SLC44A5: variants seen among roughly 807,000 people sequenced by gnomAD.
SLC44A5 encodes the protein solute carrier family 44 member 5.
Under a neutral mutation model 101.8 loss-of-function variants are expected in SLC44A5, and 57 were observed. The ratio of observed to expected loss-of-function variants is 0.56; its 90% CI spans 0.45 to 0.70. The LOEUF (loss-of-function observed/expected upper bound fraction) is 0.70. Among genes scored for constraint, SLC44A5 ranks in the 30% least tolerant of loss-of-function variants. The pLI is 0.00. For synonymous variants in SLC44A5, 281 were observed against 290.9 expected, an observed-to-expected ratio of 0.97 and a Z score of 0.35; for missense variants, 737 against 853.1, an observed-to-expected ratio of 0.86 and a Z score of 1.70.
chr1:75,392,766 C>G (rs1302537062), intron 3 of SLC44A5, among the ~76,000 whole-genome samples: 1 of 152,090 alleles, frequency 6.6e-6, no homozygotes, highest in Admixed American at 6.6e-5. Context: ...TGCCCATCAA[C>G]AGTGGAATGG....
chr1:75,242,020 C>T lies in SLC44A5; in HGVS notation c.513G>A (p.Ala171=), dbSNP rs762534368. ...QLLLDDDCPT[A]IFPSKPFLQR... ...ACTTACAAGGTTTGCTGGGAAAAATCGCTGTTGGACAATCATCATCCAGTA... is the reference window on the plus strand; with the variant it reads ...ACTTACAAGGTTTGCTGGGAAAAATTGCTGTTGGACAATCATCATCCAGTA... Residue 171 remains alanine (A), a synonymous_variant, in exon 9 of 24, where the codon GCG becomes GCA. Transcript: ENST00000370859. 3.5e-5 allele frequency: 57 copies of T among 1,612,040 alleles called. No homozygotes were observed. Among genetic ancestry groups the T allele is most frequent in the Admixed American group, 1.7e-5 (1 of 59,816 alleles).
At chr1:75,421,184 T>C (rs1232021492) in intron 2 of SLC44A5, among the ~76,000 whole-genome samples, 1 of 152,080 alleles carries the variant, frequency 6.6e-6, no homozygotes, top group Non-Finnish European at 1.5e-5. Flanking sequence ...TTATACATAC[T>C]GTTAGTATGT....
chr1:75,264,032 C>T (rs542783550), intron 6 of SLC44A5, among the ~76,000 whole-genome samples: 5 of 149,588 alleles, frequency 3.3e-5, no homozygotes, highest in African/African-American at 7.4e-5. Flanking sequence ...CTAGTGTAGA[C>T]GACAGGTTGA....
chr1:75,394,627 A>T (rs1421273801), intron 3 of SLC44A5, among the ~76,000 whole-genome samples: 10 of 152,166 alleles, frequency 6.6e-5, no homozygotes, highest in African/African-American at 2.2e-4. Context: ...GGTGGGCCTC[A>T]GCTTCTTTGG....
chr1:75,477,401 C>T (rs773437864), intron 2 of SLC44A5, among the ~76,000 whole-genome samples: 25 of 152,186 alleles, frequency 1.6e-4, no homozygotes, highest in Non-Finnish European at 2.6e-4. Context: ...CAAAGCTGTA[C>T]GGAGAATGAC....
At chr1:75,348,777 T>G (rs1411619295) in intron 3 of SLC44A5, among the ~76,000 whole-genome samples, 2 of 152,208 alleles carry the variant, frequency 1.3e-5, no homozygotes, top group Non-Finnish European at 2.9e-5. Flanking sequence ...ATTTAAATTA[T>G]TAGTCCTAGT....
At chr1:75,499,273 C>T (rs1226884561) in intron 2 of SLC44A5, among the ~76,000 whole-genome samples, 1 of 152,208 alleles carries the variant, frequency 6.6e-6, no homozygotes, top group Non-Finnish European at 1.5e-5. Flanking sequence ...CAGGATGAAA[C>T]TGTGCCACCT....
the SLC44A5 span, among the ~76,000 whole-genome samples, chr1:75,644,938 C>G: frequency 6.6e-6 from 1 of 152,078 alleles, no homozygotes; most frequent in African/African-American, 2.4e-5. Context: ...CATCCATGTC[C>G]CTCCAAAGGA....
intron 1 of SLC44A5, among the ~76,000 whole-genome samples, chr1:75,580,899 A>G (rs191748311): frequency 8.5e-5 from 13 of 152,168 alleles, no homozygotes; most frequent in Admixed American, 5.2e-4. Context: ...CCATATGTTT[A>G]GCATAATGCA....
At chr1:75,503,889 T>C (rs1196948827) in intron 2 of SLC44A5, among the ~76,000 whole-genome samples, 1 of 152,330 alleles carries the variant, frequency 6.6e-6, no homozygotes, top group Non-Finnish European at 1.5e-5. Flanking sequence ...TGCCACTATA[T>C]GTGTAGGCTG....
chr1:75,488,454 G>A (rs928484121), intron 2 of SLC44A5, among the ~76,000 whole-genome samples: 1 of 151,998 alleles, frequency 6.6e-6, no homozygotes, highest in Non-Finnish European at 1.5e-5. Flanking sequence ...TAATATTAGG[G>A]GATCACCATT....
At chr1:75,699,683 A>T in the SLC44A5 span, among the ~76,000 whole-genome samples, 1 of 152,170 alleles carries the variant, frequency 6.6e-6, no homozygotes, top group East Asian at 1.9e-4. Context: ...TAAATGAGCT[A>T]AATGCTCCAA....
chr1:75,448,600 C>T (rs1665720907), intron 2 of SLC44A5, among the ~76,000 whole-genome samples: 1 of 152,138 alleles, frequency 6.6e-6, no homozygotes, highest in Non-Finnish European at 1.5e-5. Flanking sequence ...AATCTATTTG[C>T]CTCCTAGACA....
At chr1:75,588,514 C>T (rs1674151385) in intron 1 of SLC44A5, among the ~76,000 whole-genome samples, 1 of 151,864 alleles carries the variant, frequency 6.6e-6, no homozygotes. Context: ...ACATATCTGC[C>T]CGATCCGAAA....
At chr1:75,449,082 C>T (rs1478641680) in intron 2 of SLC44A5, among the ~76,000 whole-genome samples, 1 of 152,168 alleles carries the variant, frequency 6.6e-6, no homozygotes, top group Non-Finnish European at 1.5e-5. Flanking sequence ...GTTCTCCACT[C>T]CCAACTGCTT....
chr1:75,217,525 A>G (rs1486149612), intron 18 of SLC44A5, among the ~76,000 whole-genome samples: 1 of 152,096 alleles, frequency 6.6e-6, no homozygotes, highest in East Asian at 1.9e-4. Flanking sequence ...GACCTGAACT[A>G]TATACTTGGA....
chr1:75,554,989 AAAAG>A (rs1460365952), intron 1 of SLC44A5, among the ~76,000 whole-genome samples: 2 of 152,082 alleles, frequency 1.3e-5, no homozygotes, highest in Admixed American at 6.6e-5. Context: ...GAAGGCAGAA[AAAAG>A]AAAGAGAGAA....
At chr1:75,583,986 G>A (rs1228722113) in intron 1 of SLC44A5, among the ~76,000 whole-genome samples, 1 of 152,208 alleles carries the variant, frequency 6.6e-6, no homozygotes, top group Non-Finnish European at 1.5e-5. Flanking sequence ...GTCACTCAAT[G>A]TCCCAAGCTT....
At chr1:75,432,183 G>A (rs998941455) in intron 2 of SLC44A5, among the ~76,000 whole-genome samples, 3 of 152,150 alleles carry the variant, frequency 2.0e-5, no homozygotes, top group African/African-American at 7.2e-5. Flanking sequence ...GCTGCCTGGT[G>A]AACCTTCCTA....
Sources: allele counts gnomAD v4.1 joint callset (sites outside exome capture counted in the v4.1 genomes callset), GRCh38; gene constraint gnomAD v4.1.1; transcripts MANE v1.5; gene names NCBI Gene and HGNC (gene_info 2026-07-23, HGNC 2026-07-21).